Variants in TFPI observed in about 807,000 individuals in gnomAD.
The protein encoded by TFPI is anti-convertin.
TFPI carries 15 observed loss-of-function variants against 34.6 expected under a neutral mutation model. That is an observed-to-expected ratio of 0.43 (90% CI 0.29 to 0.67). The LOEUF is 0.67. TFPI is among the 30% of genes least tolerant of loss of function. TFPI has a pLI of 0.15. For missense variants in TFPI, 301 were observed against 364.0 expected, an observed-to-expected ratio of 0.83 and a Z score of 1.41; for synonymous variants, 105 against 120.1, an observed-to-expected ratio of 0.87 and a Z score of 0.82.
At position 187,539,967 on chromosome 2, in the gene TFPI, C is replaced by T. The variant is rs367737432; in HGVS notation, c.-3+14233G>A. 2.7e-5 allele frequency among the ~76,000 whole-genome samples: 4 copies of T among 149,318 alleles called. No individual in the cohort carries two copies. The East Asian group carries it at 5.9e-4, about 22-fold the overall frequency. On this transcript the variant is annotated intron_variant, in intron 1 of 7. Coordinates refer to ENST00000233156, the MANE Select transcript of TFPI (RefSeq NM_006287.6). Reference sequence around the variant, plus strand: ...AGGCTGGAGTGCAGTGGCTCGATCTCGGCTCACTGCAACTTCCGCCTCCCG... The same window carrying T: ...AGGCTGGAGTGCAGTGGCTCGATCTTGGCTCACTGCAACTTCCGCCTCCCG...
rs569985993 is a variant in TFPI, at chr2:187,464,767, T to C, written c.*2169A>G. ...GGCAATTATTTATGCACTGAATATT[T>C]GAATGAAGATGTATTATTTTCCTTA... is the stretch of plus-strand genomic sequence containing the variant. On this transcript the variant is annotated 3_prime_UTR_variant, in exon 8 of 8. Coordinates refer to ENST00000233156, the MANE Select transcript of TFPI (RefSeq NM_006287.6). 1 of 152,324 alleles carries C rather than the reference T, an allele frequency of 6.6e-6. No homozygotes were observed. Among genetic ancestry groups the C allele is most frequent in the African/African-American group, 2.4e-5 (1 of 41,584 alleles). 9.4% of individuals were successfully genotyped at this position (152,324 alleles called of 1,614,324 possible). A position where few individuals can be genotyped will look rare whatever the true frequency, so the allele number is the denominator to read the frequency against.
At chr2:187,510,895 T>A (rs1278187171) in intron 1 of TFPI, among the ~76,000 whole-genome samples, 1 of 152,154 alleles carries the variant, frequency 6.6e-6, no homozygotes, top group Admixed American at 6.5e-5. Context: ...TGAATAAAGC[T>A]CCTCACTTCT....
In TFPI at chr2:187,484,131, G is replaced by T. The variant is rs1327475352; in HGVS notation, c.621C>A (p.Ser207Arg). 1 of 1,611,794 alleles carries T rather than the reference G, an allele frequency of 6.2e-7. No homozygotes were observed. The highest frequency in any genetic ancestry group is 1.1e-5 in the South Asian group (1 of 90,976). Residue 207 changes from serine to arginine, a missense_variant, in exon 6 of 8, where the codon AGC becomes AGA. Coordinates refer to ENST00000233156, the MANE Select transcript of TFPI (RefSeq NM_006287.6). ...AATCCACAAGATTCTTACCAAAAAGGCTGGGAACCTTGGTTGATTGCGGAG... is the reference window on the plus strand; with the variant it reads ...AATCCACAAGATTCTTACCAAAAAGTCTGGGAACCTTGGTTGATTGCGGAG... ...SLTPQSTKVP[S>R]LFEFHGPSWC...
At chr2:187,483,863 A>T (rs1218294832) in intron 6 of TFPI, 1 of 426,576 alleles carries the variant, frequency 2.3e-6, no homozygotes, top group East Asian at 4.8e-5. Context: ...GCATAGAGTT[A>T]AATATCATAT....
chr2:187,471,533 A>G (rs1318765643), intron 6 of TFPI, among the ~76,000 whole-genome samples: 1 of 152,084 alleles, frequency 6.6e-6, no homozygotes, highest in Non-Finnish European at 1.5e-5. Flanking sequence ...CACTAACCTG[A>G]CTTTTGTTGT....
chr2:187,497,860 G>T (rs568991865), intron 2 of TFPI, among the ~76,000 whole-genome samples: 3 of 151,660 alleles, frequency 2.0e-5, no homozygotes, highest in Non-Finnish European at 4.4e-5. Context: ...GTTAAGTAAA[G>T]TCTATTTGTT....
At chr2:187,548,595 T>A (rs530970266) in intron 1 of TFPI, among the ~76,000 whole-genome samples, 25 of 152,110 alleles carry the variant, frequency 1.6e-4, no homozygotes, top group Non-Finnish European at 3.7e-4. Flanking sequence ...GGAAGCTAGA[T>A]GGTCACTTGT....
chr2:187,486,931 G>T (rs1218488769), intron 4 of TFPI, among the ~76,000 whole-genome samples: 1 of 151,496 alleles, frequency 6.6e-6, no homozygotes, highest in East Asian at 1.9e-4. Context: ...ATAATACAAA[G>T]TTCACTCGAA....
intron 4 of TFPI, among the ~76,000 whole-genome samples, chr2:187,487,683 G>T (rs200162398): frequency 4.6e-5 from 3 of 64,824 alleles, no homozygotes; most frequent in Non-Finnish European, 9.4e-5. Context: ...ATTTTTTCTT[G>T]TGCTGATATA....
chr2:187,538,607 G>A (rs1688398713), intron 1 of TFPI, among the ~76,000 whole-genome samples: 1 of 152,066 alleles, frequency 6.6e-6, no homozygotes, highest in Admixed American at 6.6e-5. Context: ...ACTAGGGGAG[G>A]GATAGCATTA....
chr2:187,484,251 CA>C (rs774624137), intron 5 of TFPI, 35 bp from the exon 6 acceptor site: 1 of 1,573,154 alleles, frequency 6.4e-7, no homozygotes, highest in Non-Finnish European at 8.7e-7. Flanking sequence ...AATAGATAAA[CA>C]TTGTCACAAT....
At chr2:187,547,337 A>C (rs576159396) in intron 1 of TFPI, 1 of 152,286 alleles carries the variant, frequency 6.6e-6, no homozygotes, top group African/African-American at 2.4e-5. Flanking sequence ...ATTAGCTAAA[A>C]TTTTTATCTG....
intron 1 of TFPI, among the ~76,000 whole-genome samples, chr2:187,540,191 C>T (rs568170933): frequency 6.2e-4 from 94 of 152,272 alleles, no homozygotes; most frequent in African/African-American, 2.2e-3. Context: ...GCGTGAGTCA[C>T]CGCGCCCCGG....
At chr2:187,500,871 C>A (rs1456080904) in intron 2 of TFPI, among the ~76,000 whole-genome samples, 2 of 152,120 alleles carry the variant, frequency 1.3e-5, no homozygotes, top group South Asian at 2.1e-4. Context: ...TTTGAATAAA[C>A]CCTTTTGAAT....
chr2:187,507,622 G>A (rs905936209), intron 1 of TFPI, among the ~76,000 whole-genome samples: 3 of 152,078 alleles, frequency 2.0e-5, no homozygotes, highest in African/African-American at 7.2e-5. Flanking sequence ...CTTTTGAGAA[G>A]TGCCTGTTAA....
At chr2:187,503,509 G>T in intron 2 of TFPI, 139 bp downstream of exon 2, 3 of 687,044 alleles carry the variant, frequency 4.4e-6, no homozygotes, top group Non-Finnish European at 6.8e-6. Flanking sequence ...ACATACATTA[G>T]GTATAATAAA....
chr2:187,533,325 C>T (rs926819934), intron 1 of TFPI, among the ~76,000 whole-genome samples: 13 of 152,138 alleles, frequency 8.5e-5, no homozygotes, highest in African/African-American at 2.7e-4. Flanking sequence ...CTCCAGCTGG[C>T]ATATGGTGGG....
chr2:187,471,463 A>T (rs963221786), intron 6 of TFPI, among the ~76,000 whole-genome samples: 1 of 152,170 alleles, frequency 6.6e-6, no homozygotes, highest in Non-Finnish European at 1.5e-5. Context: ...GTTTTGCGAA[A>T]TGTAATTTTT....
chr2:187,470,042 T>C (rs1284990058), intron 6 of TFPI, among the ~76,000 whole-genome samples: 4 of 152,156 alleles, frequency 2.6e-5, no homozygotes, highest in African/African-American at 7.2e-5. Context: ...CTAGATGCAA[T>C]TAACCTAATT....
Sources: allele counts gnomAD v4.1 joint callset (sites outside exome capture counted in the v4.1 genomes callset), GRCh38; gene constraint gnomAD v4.1.1; transcripts MANE v1.5; gene names NCBI Gene and HGNC (gene_info 2026-07-23, HGNC 2026-07-21).